Variants in PCDH15 observed in about 807,000 individuals in gnomAD.
The protein encoded by PCDH15 is protocadherin related 15, also known as protocadherin-15.
A neutral mutation model predicts 178.5 loss-of-function variants in PCDH15; 129 were observed. That is an observed-to-expected ratio of 0.72 (90% CI 0.63 to 0.84). The LOEUF (loss-of-function observed/expected upper bound fraction) is 0.84. Among genes scored for constraint, PCDH15 ranks in the 40% least tolerant of loss-of-function variants. PCDH15 has a pLI of 0.00. For missense variants in PCDH15, 2,230 were observed against 2,099.9 expected, an observed-to-expected ratio of 1.06 and a Z score of -1.21; for synonymous variants, 800 against 732.0, an observed-to-expected ratio of 1.09 and a Z score of -1.50.
intron 3 of PCDH15, among the ~76,000 whole-genome samples, chr10:54,471,913 T>C (rs536238028): frequency 6.6e-6 from 1 of 152,212 alleles, no homozygotes; most frequent in African/African-American, 2.4e-5. Context: ...TATACATATT[T>C]TGAGTAATGC....
intron 2 of PCDH15, among the ~76,000 whole-genome samples, chr10:54,898,853 T>TA (rs1380868562): frequency 2.0e-5 from 3 of 152,124 alleles, no homozygotes; most frequent in Admixed American, 2.0e-4. Context: ...ACTGGTAAAT[T>TA]AAAAGAGTAG....
intron 3 of PCDH15, among the ~76,000 whole-genome samples, chr10:54,455,498 A>G (rs2136359659): frequency 6.6e-6 from 1 of 152,148 alleles, no homozygotes; most frequent in East Asian, 1.9e-4. Context: ...AGTATAGGTC[A>G]CTCTTGCTAT....
At chr10:54,622,359 C>A (rs1425689321) in intron 2 of PCDH15, among the ~76,000 whole-genome samples, 1 of 150,454 alleles carries the variant, frequency 6.6e-6, no homozygotes, top group Non-Finnish European at 1.5e-5. Context: ...GGAAGCTGAG[C>A]GCTGGAAAGG....
chr10:55,386,311 A>T (rs956578781), intron 2 of PCDH15, among the ~76,000 whole-genome samples: 3 of 152,198 alleles, frequency 2.0e-5, no homozygotes, highest in East Asian at 3.9e-4. Context: ...ATAAAATTTT[A>T]AAAAACTGAA....
chr10:54,412,165 T>C (rs1379181836), intron 3 of PCDH15, among the ~76,000 whole-genome samples: 1 of 151,352 alleles, frequency 6.6e-6, no homozygotes, highest in South Asian at 2.1e-4. Context: ...GTAAACAAAC[T>C]GAAAAACAAA....
At chr10:55,124,184 G>A (rs966287903) in intron 2 of PCDH15, among the ~76,000 whole-genome samples, 1 of 151,946 alleles carries the variant, frequency 6.6e-6, no homozygotes, top group African/African-American at 2.4e-5. Flanking sequence ...TTATTAAAAG[G>A]CTATATATAT....
chr10:55,389,915 A>G (rs568269976), intron 2 of PCDH15, among the ~76,000 whole-genome samples: 197 of 152,308 alleles, frequency 1.3e-3, no homozygotes, highest in African/African-American at 4.4e-3. Context: ...TCTTGTTTCA[A>G]TAGTAAAATT....
At chr10:55,492,227 A>G (rs10825525) in intron 2 of PCDH15, among the ~76,000 whole-genome samples, 49,369 of 151,538 alleles carry the variant, frequency 0.33, 8,537 homozygotes, top group East Asian at 0.51. Context: ...GCAAAAAAAA[A>G]GAAAAAAGAA....
Position 54,726,316 on chromosome 10 carries a change from GA to G in PCDH15, c.-28-62027del, listed in dbSNP as rs1010750910. On this transcript the variant is annotated intron_variant, in intron 1 of 37. Transcript: ENST00000644397. ...ATTATTATTATAGAGAAACTATTTT[GA>G]AAAAGGAGATAAGAATTTAAAATAT... Among the ~76,000 whole-genome samples, 3 of 151,366 alleles carry G rather than the reference GA, an allele frequency of 2.0e-5. No homozygotes were observed. The Admixed American group carries it at 2.0e-4, about 10-fold the overall frequency.
In PCDH15 at chr10:54,036,817, G is replaced by A. The variant is rs145032369; in HGVS notation, c.2221-13620C>T. ...ATAGTTATTCCTCTGATGGATCTGC[G>A]CAAAGTGAACTAAAAATCTTATGGA... On this transcript the variant is annotated intron_variant, in intron 18 of 37. Transcript: ENST00000644397. 3.5e-3 allele frequency among the ~76,000 whole-genome samples: 534 copies of A among 151,952 alleles called. 3 individuals are homozygous for A. Among genetic ancestry groups the A allele is most frequent in the African/African-American group, 0.011 (453 of 41,478 alleles).
intron 3 of PCDH15, among the ~76,000 whole-genome samples, chr10:54,462,616 G>A (rs1461574511): frequency 7.2e-6 from 1 of 138,674 alleles, no homozygotes; most frequent in Admixed American, 7.4e-5. Context: ...CCAGGTTCAA[G>A]GAATTCTCCT....
At chr10:54,738,664 T>C (rs1395077658) in intron 1 of PCDH15, among the ~76,000 whole-genome samples, 1 of 151,932 alleles carries the variant, frequency 6.6e-6, no homozygotes, top group Admixed American at 6.6e-5. Context: ...CAAAAAACAC[T>C]AGCAAACTGA....
At chr10:53,821,515 T>C in intron 32 of PCDH15, 1 of 1,042,932 alleles carries the variant, frequency 9.6e-7, no homozygotes, top group Non-Finnish European at 1.2e-6. Context: ...AATGTAAATG[T>C]TACTGCATCC....
chr10:53,821,364 T>G, intron 32 of PCDH15: 4 of 994,634 alleles, frequency 4.0e-6, no homozygotes, highest in Non-Finnish European at 4.8e-6. Context: ...GTACATTATA[T>G]TTTACTTCGG....
intron 2 of PCDH15, among the ~76,000 whole-genome samples, chr10:55,334,221 CAT>C (rs34468887): frequency 0.056 from 3,497 of 62,518 alleles, 113 homozygotes; most frequent in Non-Finnish European, 0.068. Context: ...TAGGGTGCTC[CAT>C]ATATATATAT....
At chr10:54,387,981 T>A (rs1157756221) in intron 3 of PCDH15, among the ~76,000 whole-genome samples, 1 of 152,122 alleles carries the variant, frequency 6.6e-6, no homozygotes, top group Admixed American at 6.6e-5. Context: ...GAGGGAGTAA[T>A]GGGGAGTTAT....
At chr10:54,017,594 C>T (rs1011530655) in intron 20 of PCDH15, among the ~76,000 whole-genome samples, 1 of 152,020 alleles carries the variant, frequency 6.6e-6, no homozygotes, top group African/African-American at 2.4e-5. Flanking sequence ...ATATTGGGTA[C>T]TCCTGGACAT....
intron 2 of PCDH15, among the ~76,000 whole-genome samples, chr10:55,606,817 C>G (rs1477085924): frequency 6.8e-6 from 1 of 146,336 alleles, no homozygotes; most frequent in African/African-American, 2.5e-5. Context: ...TAGGCATTAC[C>G]ATTCAGGACA....
At chr10:54,704,994 C>T (rs534829793) in intron 1 of PCDH15, among the ~76,000 whole-genome samples, 1 of 152,144 alleles carries the variant, frequency 6.6e-6, no homozygotes, top group East Asian at 1.9e-4. Context: ...ATTACACAGC[C>T]ATAAAAACAG....
Sources: allele counts gnomAD v4.1 joint callset (sites outside exome capture counted in the v4.1 genomes callset), GRCh38; gene constraint gnomAD v4.1.1; transcripts MANE v1.5; gene names NCBI Gene and HGNC (gene_info 2026-07-23, HGNC 2026-07-21).